The following ABTB3 variants were observed in gnomAD, a reference collection of about 807,000 sequenced individuals.
ABTB3 encodes ankyrin repeat- and BTB/POZ domain-containing protein 3.
chr12:107,319,759 C>T, the ABTB3 span: 1 of 1,504,918 alleles, frequency 6.6e-7, no homozygotes, highest in Non-Finnish European at 8.8e-7. Context: ...CCGGCCCAGG[C>T]CCGAGCTCGG....
the ABTB3 span, among the ~76,000 whole-genome samples, chr12:107,493,180 G>C: frequency 6.6e-6 from 1 of 152,144 alleles, no homozygotes; most frequent in Non-Finnish European, 1.5e-5. Flanking sequence ...GCACTGGGGG[G>C]CCTCCCCACT....
the ABTB3 span, among the ~76,000 whole-genome samples, chr12:107,460,971 A>G: frequency 7.2e-5 from 11 of 152,174 alleles, no homozygotes; most frequent in Admixed American, 7.2e-4. Flanking sequence ...GCTAATAAAG[A>G]CATACCCAAG....
At chr12:107,587,513 G>A in the ABTB3 span, among the ~76,000 whole-genome samples, 2 of 152,302 alleles carry the variant, frequency 1.3e-5, no homozygotes, top group South Asian at 4.1e-4. Flanking sequence ...GGTGGCGGGG[G>A]AGCAGGAATG....
chr12:107,440,630 C>T, the ABTB3 span, among the ~76,000 whole-genome samples: 347 of 152,260 alleles, frequency 2.3e-3, no homozygotes, highest in African/African-American at 7.8e-3. Flanking sequence ...GACCTGGAAC[C>T]GAGCCTGTGA....
At chr12:107,414,106 G>A in the ABTB3 span, among the ~76,000 whole-genome samples, 2 of 152,098 alleles carry the variant, frequency 1.3e-5, no homozygotes, top group Non-Finnish European at 1.5e-5. Context: ...TTAGAGACTC[G>A]TCTAATTTTT....
chr12:107,565,441 C>T, the ABTB3 span, among the ~76,000 whole-genome samples: 5 of 152,174 alleles, frequency 3.3e-5, no homozygotes, highest in Non-Finnish European at 5.9e-5. Flanking sequence ...TCCACCCCTG[C>T]TATTTCATTT....
the ABTB3 span, among the ~76,000 whole-genome samples, chr12:107,521,698 A>G: frequency 8.1e-6 from 1 of 124,148 alleles, no homozygotes; most frequent in Non-Finnish European, 1.7e-5. Context: ...CCCTCCCCAG[A>G]CATCCTCCTC....
the ABTB3 span, among the ~76,000 whole-genome samples, chr12:107,491,042 C>T: frequency 5.3e-5 from 8 of 152,186 alleles, no homozygotes; most frequent in Non-Finnish European, 1.2e-4. Flanking sequence ...GCCACACCTT[C>T]CCAGGAGTCA....
At chr12:107,635,107 C>T in the ABTB3 span, 2 of 502,962 alleles carry the variant, frequency 4.0e-6, no homozygotes, top group East Asian at 6.4e-5. Context: ...CAAAACAGAG[C>T]AAGTAAATCC....
the ABTB3 span, among the ~76,000 whole-genome samples, chr12:107,645,236 G>A: frequency 5.3e-5 from 8 of 152,212 alleles, no homozygotes; most frequent in Admixed American, 3.3e-4. Flanking sequence ...CAAAGTGCTG[G>A]GATTACAGGC....
chr12:107,486,722 G>T, the ABTB3 span: 1 of 146,116 alleles, frequency 6.8e-6, no homozygotes, highest in Non-Finnish European at 1.5e-5. Context: ...ACCTCCAAGG[G>T]GCTCTTAATA....
At chr12:107,345,720 CA>C in the ABTB3 span, among the ~76,000 whole-genome samples, 2 of 152,090 alleles carry the variant, frequency 1.3e-5, no homozygotes, top group African/African-American at 4.8e-5. Context: ...GCCCATTCTG[CA>C]ATGTATTTTT....
At chr12:107,411,662 C>T in the ABTB3 span, among the ~76,000 whole-genome samples, 3 of 152,314 alleles carry the variant, frequency 2.0e-5, no homozygotes, top group South Asian at 2.1e-4. Context: ...TCTGATTCTG[C>T]GGCCTGTGAG....
chr12:107,535,561 T>C, the ABTB3 span, among the ~76,000 whole-genome samples: 1 of 152,156 alleles, frequency 6.6e-6, no homozygotes, highest in African/African-American at 2.4e-5. Flanking sequence ...AGTAACAAAT[T>C]CAGTAAAGTT....
the ABTB3 span, among the ~76,000 whole-genome samples, chr12:107,541,524 A>G: frequency 2.0e-3 from 307 of 152,368 alleles, 7 homozygotes; most frequent in East Asian, 0.042. Context: ...GGCAAGTCCA[A>G]AATTTTGCAG....
At chr12:107,352,925 G>A in the ABTB3 span, among the ~76,000 whole-genome samples, 1 of 152,130 alleles carries the variant, frequency 6.6e-6, no homozygotes, top group Non-Finnish European at 1.5e-5. Context: ...AAGTTCTTTC[G>A]AAAGCAGAAA....
chr12:107,646,676 C>T, the ABTB3 span, among the ~76,000 whole-genome samples: 1 of 152,104 alleles, frequency 6.6e-6, no homozygotes, highest in Non-Finnish European at 1.5e-5. Context: ...CACAGACAGG[C>T]GAGGATTCGT....
At chr12:107,319,512 T>A in the ABTB3 span, 1 of 1,578,780 alleles carries the variant, frequency 6.3e-7, no homozygotes. Context: ...CTCTACAACA[T>A]GAGCAGCGCC....
the ABTB3 span, among the ~76,000 whole-genome samples, chr12:107,608,288 C>G: frequency 6.6e-6 from 1 of 152,232 alleles, no homozygotes; most frequent in Non-Finnish European, 1.5e-5. Context: ...TCTATCACAT[C>G]TCCCGGCCTC....
Sources: allele counts gnomAD v4.1 joint callset (sites outside exome capture counted in the v4.1 genomes callset), GRCh38; gene constraint gnomAD v4.1.1; transcripts MANE v1.5; gene names NCBI Gene and HGNC (gene_info 2026-07-23, HGNC 2026-07-21).